The following UBE2R2 variants were observed in gnomAD, a reference collection of about 807,000 sequenced individuals.
The protein encoded by UBE2R2 is ubiquitin-conjugating enzyme E2 R2.
A neutral mutation model predicts 27.8 loss-of-function variants in UBE2R2; 1 was observed. The observed-to-expected ratio is 0.04, with a 90% CI of 0.01 to 0.17. The LOEUF (loss-of-function observed/expected upper bound fraction) is 0.17. Among genes scored for constraint, UBE2R2 ranks in the 10% least tolerant of loss-of-function variants. The probability of loss-of-function intolerance (pLI) is 1.00; values close to 1 mark genes in which losing one functional copy is unlikely to be tolerated. For synonymous variants in UBE2R2, 106 were observed against 113.3 expected, an observed-to-expected ratio of 0.94 and a Z score of 0.41; for missense variants, 100 against 291.0, an observed-to-expected ratio of 0.34 and a Z score of 4.78.
chr9:33,896,449 G>GC (rs1029696685), intron 2 of UBE2R2, among the ~76,000 whole-genome samples: 1 of 142,996 alleles, frequency 7.0e-6, no homozygotes, highest in African/African-American at 2.6e-5. Context: ...GGTTTTTTTG[G>GC]TTTTTTTTTT....
At chr9:33,916,982 T>G (rs758732276) in intron 4 of UBE2R2, 36 bp from the exon 5 acceptor site, 4 of 1,608,072 alleles carry the variant, frequency 2.5e-6, no homozygotes, top group Non-Finnish European at 1.7e-6. Flanking sequence ...AAAAAAAGAC[T>G]TACCGTAAAC....
chr9:33,864,534 C>G (rs1226629154), intron 1 of UBE2R2, among the ~76,000 whole-genome samples: 2 of 152,076 alleles, frequency 1.3e-5, no homozygotes, highest in East Asian at 3.9e-4. Context: ...GGAATTACTC[C>G]CACATTTCTA....
chr9:33,844,064 G>T (rs1820787123), intron 1 of UBE2R2, among the ~76,000 whole-genome samples: 3 of 152,166 alleles, frequency 2.0e-5, no homozygotes, highest in African/African-American at 4.8e-5. Flanking sequence ...AAAAATTGCA[G>T]TTAAAACATC....
intron 1 of UBE2R2, among the ~76,000 whole-genome samples, chr9:33,847,160 T>C (rs1024225075): frequency 6.6e-6 from 1 of 152,096 alleles, no homozygotes; most frequent in Non-Finnish European, 1.5e-5. Context: ...TGCAGTGGCA[T>C]GATCTTGGCT....
At chr9:33,832,852 A>G (rs35372252) in intron 1 of UBE2R2, among the ~76,000 whole-genome samples, 4,048 of 152,248 alleles carry the variant, frequency 0.027, 107 homozygotes, top group Middle Eastern at 0.065. Context: ...ACATAGTTCT[A>G]TGAATTTTGA....
intron 1 of UBE2R2, among the ~76,000 whole-genome samples, chr9:33,854,880 A>AT (rs1033117760): frequency 2.0e-5 from 3 of 151,038 alleles, no homozygotes; most frequent in Non-Finnish European, 4.4e-5. Context: ...CCACCTCCAC[A>AT]TTTTTTTATT....
chr9:33,881,098 A>G (rs927755486), intron 1 of UBE2R2, among the ~76,000 whole-genome samples: 2 of 152,178 alleles, frequency 1.3e-5, no homozygotes, highest in African/African-American at 2.4e-5. Context: ...TTTGTGTTCT[A>G]AAGCTCTGTT....
Position 33,917,886 on chromosome 9 carries a change from C to T in UBE2R2, c.*649C>T, listed in dbSNP as rs964851534. Reference sequence around the variant, plus strand: ...GCTCCTTCAATCTCCATGAAACCATCGTAACATGGAGGCCTCAGCTGCTCT... The same window carrying T: ...GCTCCTTCAATCTCCATGAAACCATTGTAACATGGAGGCCTCAGCTGCTCT... On this transcript the variant is annotated 3_prime_UTR_variant, in exon 5 of 5. Transcript: ENST00000263228. 2 of 153,782 alleles carry T rather than the reference C, an allele frequency of 1.3e-5. No homozygotes were observed. Among genetic ancestry groups the T allele is most frequent in the Non-Finnish European group, 2.9e-5 (2 of 68,118 alleles). 9.5% of individuals were successfully genotyped at this position (153,782 alleles called of 1,614,324 possible).
intron 1 of UBE2R2, among the ~76,000 whole-genome samples, chr9:33,845,989 G>T (rs539440443): frequency 7.2e-5 from 11 of 152,230 alleles, no homozygotes; most frequent in African/African-American, 2.2e-4. Context: ...AATTAGGCAA[G>T]GTGGCGGGTA....
intron 1 of UBE2R2, among the ~76,000 whole-genome samples, chr9:33,877,823 G>GTCTCTCTT (rs1554675186): frequency 3.1e-5 from 4 of 131,094 alleles, no homozygotes; most frequent in East Asian, 2.1e-4. Flanking sequence ...CTGTCTGTCT[G>GTCTCTCTT]TCTCTCTCTC....
At position 33,919,112 on chromosome 9, in the gene UBE2R2, AG is replaced by A. The variant is rs1822732514; in HGVS notation, c.*1876del. 6.6e-6 allele frequency: 1 copy of A among 152,328 alleles called. No homozygotes were observed. Among genetic ancestry groups the A allele is most frequent in the African/African-American group, 2.4e-5 (1 of 41,376 alleles). 9.4% of individuals were successfully genotyped at this position (152,328 alleles called of 1,614,324 possible). A position where few individuals can be genotyped will look rare whatever the true frequency, so the allele number is the denominator to read the frequency against. On this transcript the variant is annotated 3_prime_UTR_variant, in exon 5 of 5. Coordinates refer to ENST00000263228, the MANE Select transcript of UBE2R2 (RefSeq NM_017811.4). ...GGGTTGCTACTTGCACCCAGAATCT[AG>A]TGATTTTAGTCAGATCCATGGAACA...
chr9:33,890,902 G>T (rs902564066), intron 2 of UBE2R2, among the ~76,000 whole-genome samples: 1 of 152,094 alleles, frequency 6.6e-6, no homozygotes, highest in Non-Finnish European at 1.5e-5. Flanking sequence ...CTCTTCTCAC[G>T]TGACTATTAA....
Position 33,817,736 on chromosome 9 carries a change from C to CGCG in UBE2R2, c.-20_-19insGGC. ...GAGGACTGGGGCCCGGGCCCGGCGC[C>CGCG]GCCGCCGCCGCCGCCGCCGCGATGG... On this transcript the variant is annotated 5_prime_UTR_variant, in exon 1 of 5. Coordinates refer to ENST00000263228, the MANE Select transcript of UBE2R2 (RefSeq NM_017811.4). 6.7e-7 allele frequency: 1 copy of CGCG among 1,488,978 alleles called. No homozygotes were observed. The highest frequency in any genetic ancestry group is 8.9e-7 in the Non-Finnish European group (1 of 1,117,422). 92.2% of individuals were successfully genotyped at this position (1,488,978 alleles called of 1,614,324 possible).
intron 3 of UBE2R2, among the ~76,000 whole-genome samples, chr9:33,902,992 G>C (rs911769050): frequency 1.5e-4 from 23 of 151,992 alleles, no homozygotes; most frequent in African/African-American, 5.3e-4. Context: ...CCAGCTACTC[G>C]GGAGGCTGAG....
intron 1 of UBE2R2, among the ~76,000 whole-genome samples, chr9:33,879,750 C>CTTTTTTTTTTTT (rs66929161): frequency 1.5e-5 from 1 of 67,364 alleles, no homozygotes; most frequent in African/African-American, 5.7e-5. Flanking sequence ...GGTCACAAGA[C>CTTTTTTTTTTTT]TTTTTTTTTT....
At chr9:33,843,069 A>G (rs1405118666) in intron 1 of UBE2R2, among the ~76,000 whole-genome samples, 1 of 117,206 alleles carries the variant, frequency 8.5e-6, no homozygotes, top group Non-Finnish European at 1.6e-5. Flanking sequence ...TTTTTTTAAG[A>G]CAGAGTCTTG....
intron 1 of UBE2R2, among the ~76,000 whole-genome samples, chr9:33,864,484 A>T (rs1821315616): frequency 1.3e-5 from 2 of 152,356 alleles, no homozygotes; most frequent in Middle Eastern, 3.4e-3. Context: ...AAAAGTTGTT[A>T]TGAAAGTAAT....
chr9:33,828,644 C>T (rs775441800), intron 1 of UBE2R2, among the ~76,000 whole-genome samples: 3 of 152,128 alleles, frequency 2.0e-5, no homozygotes, highest in Non-Finnish European at 2.9e-5. Flanking sequence ...TCACTGCAAT[C>T]TCCGCCTCCC....
chr9:33,818,183 C>T (rs1382496946), intron 1 of UBE2R2, among the ~76,000 whole-genome samples: 1 of 152,034 alleles, frequency 6.6e-6, no homozygotes, highest in Non-Finnish European at 1.5e-5. Flanking sequence ...GAGAGCCTCT[C>T]TGGTTAGGGT....
Sources: gnomAD v4.1 joint callset for allele counts (sites outside exome capture counted in the v4.1 genomes callset) on GRCh38, gnomAD v4.1.1 for gene constraint, MANE v1.5 for transcripts, NCBI Gene and HGNC (gene_info 2026-07-23, HGNC 2026-07-21) for gene names.